DEPDC5: variants seen among roughly 807,000 people sequenced by gnomAD.
The protein encoded by DEPDC5 is DEP domain containing 5, GATOR1 subcomplex subunit.
DEPDC5 carries 73 observed loss-of-function variants against 217.3 expected under a neutral mutation model. That is an observed-to-expected ratio of 0.34 (90% CI 0.28 to 0.41). The LOEUF (loss-of-function observed/expected upper bound fraction) is 0.41. Ranked by LOEUF, DEPDC5 falls within the 10% of genes least tolerant of loss-of-function variation. DEPDC5 has a pLI of 1.00. For missense variants in DEPDC5, 1,675 were observed against 2,070.1 expected (o/e 0.81, Z 3.70); for synonymous variants, 733 against 756.7 (o/e 0.97, Z 0.51).
intron 8 of DEPDC5, among the ~76,000 whole-genome samples, chr22:31,778,977 G>A (rs2084158047): frequency 6.6e-6 from 1 of 152,082 alleles, no homozygotes; most frequent in South Asian, 2.1e-4. Flanking sequence ...TCCAGAGCAG[G>A]CCTCCAGAGC....
chr22:31,805,190 A>C (rs1049903740), intron 17 of DEPDC5: 2 of 235,332 alleles, frequency 8.5e-6, no homozygotes, highest in African/African-American at 4.6e-5. Flanking sequence ...CACAGACTGT[A>C]GAAGACCAAC....
chr22:31,792,689 C>A, intron 11 of DEPDC5, 56 bp from the exon 12 acceptor site: 1 of 1,278,312 alleles, frequency 7.8e-7, no homozygotes, highest in Non-Finnish European at 1.1e-6. Flanking sequence ...AGGAAGCTGA[C>A]AAAACTGAAT....
chr22:31,765,487 C>T (rs1322776021), intron 5 of DEPDC5, among the ~76,000 whole-genome samples: 3 of 151,896 alleles, frequency 2.0e-5, no homozygotes, highest in South Asian at 4.2e-4. Flanking sequence ...CAGGGTTTCA[C>T]CATATTGGCC....
At chr22:31,902,473 C>G (rs1328450343) in intron 41 of DEPDC5, among the ~76,000 whole-genome samples, 2 of 147,336 alleles carry the variant, frequency 1.4e-5, no homozygotes, top group Admixed American at 1.4e-4. Context: ...ACTATTTAGC[C>G]TCTCACACCC....
At chr22:31,833,861 A>T in intron 24 of DEPDC5, 54 bp from the exon 25 acceptor site, 1 of 1,431,032 alleles carries the variant, frequency 7.0e-7, no homozygotes, top group Non-Finnish European at 9.3e-7. Flanking sequence ...AACTGGTCAG[A>T]ACTCTTTTGC....
intron 2 of DEPDC5, chr22:31,757,304 T>C (rs895362847): frequency 1.4e-4 from 22 of 152,118 alleles, no homozygotes; most frequent in African/African-American, 4.8e-4. Flanking sequence ...ATTATGCTGA[T>C]TGGGTGTCTG....
intron 24 of DEPDC5, among the ~76,000 whole-genome samples, chr22:31,828,818 G>A (rs9621345): frequency 0.068 from 10,403 of 152,260 alleles, 438 homozygotes; most frequent in South Asian, 0.18. Flanking sequence ...TGACTCTCCC[G>A]ACCTCAAGGA....
At chr22:31,833,576 G>A (rs1002345531) in intron 24 of DEPDC5, among the ~76,000 whole-genome samples, 4 of 152,126 alleles carry the variant, frequency 2.6e-5, no homozygotes, top group African/African-American at 7.2e-5. Flanking sequence ...TCAAAAATAG[G>A]CCATTTATAT....
intron 36 of DEPDC5, 151 bp downstream of exon 36, chr22:31,874,556 G>A (rs777318091): frequency 4.9e-5 from 46 of 942,666 alleles, no homozygotes; most frequent in Non-Finnish European, 7.0e-5. Context: ...TGGAATTGAT[G>A]AAAGAACAAG....
intron 6 of DEPDC5, among the ~76,000 whole-genome samples, chr22:31,768,257 T>C (rs777556426): frequency 4.6e-5 from 7 of 152,084 alleles, no homozygotes; most frequent in Non-Finnish European, 1.0e-4. Flanking sequence ...TTGAAAAGAT[T>C]AGTTCATCAG....
intron 39 of DEPDC5, among the ~76,000 whole-genome samples, chr22:31,895,143 C>CAAA (rs56247667): frequency 3.5e-5 from 2 of 57,592 alleles, no homozygotes; most frequent in Admixed American, 2.0e-4. Flanking sequence ...GAATCCGTCT[C>CAAA]AAAAAAAAAA....
chr22:31,847,396 C>T (rs2091800934), intron 31 of DEPDC5, among the ~76,000 whole-genome samples: 1 of 151,494 alleles, frequency 6.6e-6, no homozygotes, highest in Non-Finnish European at 1.5e-5. Flanking sequence ...AGTCCATTCT[C>T]ACACTGCTAA....
chr22:31,764,691 C>T (rs1301339748), intron 4 of DEPDC5, among the ~76,000 whole-genome samples: 7 of 152,160 alleles, frequency 4.6e-5, no homozygotes, highest in Non-Finnish European at 1.0e-4. Context: ...GCTGAGATTA[C>T]AGGTGTTAGC....
intron 19 of DEPDC5, among the ~76,000 whole-genome samples, chr22:31,809,876 G>T (rs1399902304): frequency 6.6e-6 from 1 of 152,148 alleles, no homozygotes; most frequent in African/African-American, 2.4e-5. Context: ...CAGCTACTCG[G>T]GAGGCTGAGG....
intron 39 of DEPDC5, 126 bp from the exon 40 acceptor site, chr22:31,897,356 A>G (rs1244480304): frequency 4.0e-6 from 5 of 1,257,286 alleles, no homozygotes; most frequent in Admixed American, 5.2e-5. Flanking sequence ...GCCAGCAAAC[A>G]TGAATAAATG....
At chr22:31,877,643 G>A (rs1489716451) in intron 37 of DEPDC5, among the ~76,000 whole-genome samples, 4 of 147,982 alleles carry the variant, frequency 2.7e-5, no homozygotes, top group South Asian at 2.2e-4. Flanking sequence ...CCAGCTACTC[G>A]GGAGGCTGAG....
At chr22:31,771,311 G>A (rs765470186) in intron 7 of DEPDC5, among the ~76,000 whole-genome samples, 1 of 152,080 alleles carries the variant, frequency 6.6e-6, no homozygotes, top group Non-Finnish European at 1.5e-5. Context: ...TCCCAAAAAG[G>A]GTATTTTGAA....
intron 38 of DEPDC5, among the ~76,000 whole-genome samples, chr22:31,889,001 C>G (rs1205222158): frequency 6.6e-6 from 1 of 152,214 alleles, no homozygotes; most frequent in Admixed American, 6.5e-5. Flanking sequence ...GCACTCACTC[C>G]CAAGACTGCT....
chr22:31,772,292 C>A (rs1416050094), intron 7 of DEPDC5, among the ~76,000 whole-genome samples: 2 of 152,114 alleles, frequency 1.3e-5, no homozygotes, highest in Non-Finnish European at 2.9e-5. Flanking sequence ...AACTAAAGCA[C>A]AACCCAAGAA....
Sources: gnomAD v4.1 joint callset for allele counts (sites outside exome capture counted in the v4.1 genomes callset) on GRCh38, gnomAD v4.1.1 for gene constraint, MANE v1.5 for transcripts, NCBI Gene and HGNC (gene_info 2026-07-23, HGNC 2026-07-21) for gene names.